The following LRRFIP1 variants were observed in gnomAD, a reference collection of about 807,000 sequenced individuals.
LRRFIP1 encodes leucine-rich repeat flightless-interacting protein 1.
LRRFIP1 carries 62 observed loss-of-function variants against 104.4 expected under a neutral mutation model. The observed-to-expected ratio is 0.59, with a 90% CI of 0.48 to 0.73. LRRFIP1 has a LOEUF of 0.73. Among genes scored for constraint, LRRFIP1 ranks in the 30% least tolerant of loss-of-function variants. LRRFIP1 has a pLI of 0.00. For synonymous variants in LRRFIP1, 300 were observed against 299.0 expected, an observed-to-expected ratio of 1.00 and a Z score of -0.03; for missense variants, 796 against 824.5, an observed-to-expected ratio of 0.97 and a Z score of 0.42.
chr2:237,672,652 A>G (rs771253325), intron 1 of LRRFIP1, among the ~76,000 whole-genome samples: 1 of 152,214 alleles, frequency 6.6e-6, no homozygotes, highest in Non-Finnish European at 1.5e-5. Flanking sequence ...AAAAATATTG[A>G]ACCATTTTTT....
At chr2:237,757,634 C>A in intron 17 of LRRFIP1, 86 bp downstream of exon 17, 1 of 967,602 alleles carries the variant, frequency 1.0e-6, no homozygotes, top group Non-Finnish European at 1.6e-6. Context: ...GTTTGCAAAA[C>A]CGCTTGTCTG....
At chr2:237,662,205 C>T (rs56127829) in intron 1 of LRRFIP1, among the ~76,000 whole-genome samples, 17,203 of 152,040 alleles carry the variant, frequency 0.11, 1,093 homozygotes, top group East Asian at 0.19. Context: ...TCCACGTGGC[C>T]CCCTCCCTGG....
At chr2:237,678,193 G>A (rs1007008816) in intron 1 of LRRFIP1, among the ~76,000 whole-genome samples, 1 of 152,022 alleles carries the variant, frequency 6.6e-6, no homozygotes, top group African/African-American at 2.4e-5. Flanking sequence ...AAATCACCGG[G>A]TGCCTTAAAA....
At chr2:237,637,324 C>T (rs1277995713) in intron 1 of LRRFIP1, among the ~76,000 whole-genome samples, 1 of 152,020 alleles carries the variant, frequency 6.6e-6, no homozygotes. Flanking sequence ...AGAAATTAGC[C>T]AGATGTGGTG....
At chr2:237,667,174 C>T (rs1322298533) in intron 1 of LRRFIP1, among the ~76,000 whole-genome samples, 2 of 152,166 alleles carry the variant, frequency 1.3e-5, no homozygotes, top group Non-Finnish European at 2.9e-5. Flanking sequence ...GCTCTCCCTT[C>T]CCTTCCCCCT....
rs767853556 is a variant in LRRFIP1, at chr2:237,720,802, G to C, written c.325G>C (p.Gly109Arg). Reference sequence around the variant, plus strand: ...TGATGAAGACGAGCGCATGTCAGTGGGTAGTCGTGGAAGCCTGAGGGTCAG... The same window carrying C: ...TGATGAAGACGAGCGCATGTCAGTGCGTAGTCGTGGAAGCCTGAGGGTCAG... ...ASDEDERMSV[G>R]SRGSLRSQPD... is the part of the protein sequence containing the mutation. Residue 109 changes from glycine to arginine, a missense_variant, in exon 6 of 24, where the codon GGT becomes CGT. Coordinates refer to ENST00000308482, the MANE Select transcript of LRRFIP1 (RefSeq NM_001137550.2). The C allele has an allele frequency of 1.2e-6, 2 of 1,613,974 alleles. No individual in the cohort carries two copies. Among genetic ancestry groups the C allele is most frequent in the Non-Finnish European group, 1.7e-6 (2 of 1,179,974 alleles).
intron 1 of LRRFIP1, among the ~76,000 whole-genome samples, chr2:237,698,302 T>C (rs541002276): frequency 4.9e-4 from 75 of 152,346 alleles, no homozygotes; most frequent in African/African-American, 1.7e-3. Flanking sequence ...ACTTCTTTAA[T>C]GAGGGCTGGG....
At chr2:237,656,777 A>G (rs1043225316) in intron 1 of LRRFIP1, among the ~76,000 whole-genome samples, 1 of 152,232 alleles carries the variant, frequency 6.6e-6, no homozygotes, top group Non-Finnish European at 1.5e-5. Flanking sequence ...GAACTAGACA[A>G]AAATTAAATG....
intron 5 of LRRFIP1, among the ~76,000 whole-genome samples, chr2:237,719,997 G>A (rs980350920): frequency 1.5e-5 from 2 of 134,578 alleles, no homozygotes; most frequent in Non-Finnish European, 3.1e-5. Context: ...ACCCAGGCTA[G>A]AATGCAGTGG....
At position 237,717,940 on chromosome 2, in the gene LRRFIP1, T is replaced by C; in HGVS notation, c.249+131T>C. 1.3e-6 allele frequency: 1 copy of C among 791,270 alleles called. No individual in the cohort carries two copies. The highest frequency in any genetic ancestry group is 2.2e-6 in the Non-Finnish European group (1 of 444,978). The allele number at this position is 791,270 out of a possible 1,614,324, so 49.0% of individuals were successfully genotyped here. ...GATAGATTCCTATTGCACCATAATTTAATACTGAGAGATTTTCTTCCGGGG... is the reference window on the plus strand; with the variant it reads ...GATAGATTCCTATTGCACCATAATTCAATACTGAGAGATTTTCTTCCGGGG... On this transcript the variant is annotated intron_variant, in intron 4 of 23. Coordinates refer to ENST00000308482, the MANE Select transcript of LRRFIP1 (RefSeq NM_001137550.2). This position sits in a 1 kb window ranked among gnomAD's most constrained non-coding sequence, Gnocchi z 4.2.
intron 8 of LRRFIP1, among the ~76,000 whole-genome samples, chr2:237,731,958 A>C (rs577197977): frequency 2.0e-5 from 3 of 152,218 alleles, no homozygotes; most frequent in Non-Finnish European, 2.9e-5. Flanking sequence ...GCTGCCCAGT[A>C]CGTGGTGCGT....
intron 1 of LRRFIP1, among the ~76,000 whole-genome samples, chr2:237,651,310 C>G (rs1230090448): frequency 6.6e-6 from 1 of 152,202 alleles, no homozygotes; most frequent in African/African-American, 2.4e-5. Flanking sequence ...ACATCTAAAG[C>G]AGCACTGTGT....
At chr2:237,752,763 T>A (rs923531831) in intron 14 of LRRFIP1, among the ~76,000 whole-genome samples, 3 of 152,234 alleles carry the variant, frequency 2.0e-5, no homozygotes, top group Non-Finnish European at 4.4e-5. Flanking sequence ...CCCAGTGAGA[T>A]CTGCCTGCCA....
At chr2:237,714,978 T>C (rs1394466641) in intron 3 of LRRFIP1, among the ~76,000 whole-genome samples, 1 of 152,254 alleles carries the variant, frequency 6.6e-6, no homozygotes, top group Non-Finnish European at 1.5e-5. Context: ...AGTTTGATAC[T>C]TAAAACATCT....
At chr2:237,667,938 A>G (rs1359401567) in intron 1 of LRRFIP1, among the ~76,000 whole-genome samples, 2 of 152,174 alleles carry the variant, frequency 1.3e-5, no homozygotes, top group Admixed American at 6.5e-5. Flanking sequence ...GCCAATTTAC[A>G]GTACACCCTT....
intron 14 of LRRFIP1, among the ~76,000 whole-genome samples, chr2:237,752,453 C>T (rs761210981): frequency 1.3e-5 from 2 of 152,326 alleles, no homozygotes; most frequent in East Asian, 1.9e-4. Flanking sequence ...ACCGGAGACC[C>T]GCTGGTCCCA....
chr2:237,775,831 C>CCATT (rs2061042499), intron 23 of LRRFIP1, among the ~76,000 whole-genome samples: 1 of 151,410 alleles, frequency 6.6e-6, no homozygotes, highest in African/African-American at 2.4e-5. Flanking sequence ...AGAGTGAGAC[C>CCATT]GTTTTTCATT....
chr2:237,762,686 C>G, intron 19 of LRRFIP1: 1 of 1,614,116 alleles, frequency 6.2e-7, no homozygotes, highest in Non-Finnish European at 8.5e-7. Flanking sequence ...TGAGAAAGAA[C>G]AACACACAGA....
chr2:237,773,095 C>T (rs1330799536), intron 22 of LRRFIP1, 150 bp downstream of exon 22: 6 of 634,812 alleles, frequency 9.5e-6, no homozygotes, highest in Admixed American at 6.0e-5. Context: ...CAAGTCTTTC[C>T]ATCCGTTTCT....
Sources: allele counts gnomAD v4.1 joint callset (sites outside exome capture counted in the v4.1 genomes callset), GRCh38; gene constraint gnomAD v4.1.1; non-coding constraint Gnocchi (gnomAD v3.1); transcripts MANE v1.5; gene names NCBI Gene and HGNC (gene_info 2026-07-23, HGNC 2026-07-21).